The following PPIP5K1 variants were observed in gnomAD, a reference collection of about 807,000 sequenced individuals.
PPIP5K1 encodes the protein inositol hexakisphosphate and diphosphoinositol-pentakisphosphate kinase 1.
In PPIP5K1, 6 loss-of-function variants were observed where a neutral mutation model predicts 27.7. That is an observed-to-expected ratio of 0.22 (90% CI 0.12 to 0.43). The LOEUF is 0.43. Among genes scored for constraint, PPIP5K1 ranks in the 20% least tolerant of loss-of-function variants. PPIP5K1 has a pLI of 1.00. For synonymous variants in PPIP5K1, 145 were observed against 242.6 expected (o/e 0.60, Z 3.74); for missense variants, 394 against 635.4 (o/e 0.62, Z 4.08).
chr15:43,565,497 T>G (rs1314177802), intron 26 of PPIP5K1, among the ~76,000 whole-genome samples: 29 of 133,960 alleles, frequency 2.2e-4, no homozygotes, highest in Non-Finnish European at 3.3e-4. Flanking sequence ...TCATCCAACA[T>G]CCCCTCCCTT....
chr15:43,537,913 G>A (rs1214772892), intron 31 of PPIP5K1, among the ~76,000 whole-genome samples: 2 of 151,526 alleles, frequency 1.3e-5, no homozygotes. Context: ...CCCAAGTAAA[G>A]AAGTAGCCTT....
intron 30 of PPIP5K1, among the ~76,000 whole-genome samples, chr15:43,542,666 G>GTA (rs1353968046): frequency 7.3e-6 from 1 of 137,886 alleles, no homozygotes; most frequent in Non-Finnish European, 1.5e-5. Flanking sequence ...GTGTGTGTGT[G>GTA]TGTGTGTGTG....
At position 43,581,216 on chromosome 15, in the gene PPIP5K1, C is replaced by G; in HGVS notation, c.939+11G>C. On this transcript the variant is annotated intron_variant, in intron 9 of 31. Coordinates refer to ENST00000420765, the MANE Select transcript of PPIP5K1 (RefSeq NM_001394395.1). Reference sequence around the variant, plus strand: ...TCCTTCATTTCACAACCTCCCTGGGCCCTCCTCTACCTTGAAAGCTACGCA... The same window carrying G: ...TCCTTCATTTCACAACCTCCCTGGGGCCTCCTCTACCTTGAAAGCTACGCA... The G allele has an allele frequency of 1.3e-6, 2 of 1,583,736 alleles. No individual in the cohort carries two copies. Among genetic ancestry groups the G allele is most frequent in the Non-Finnish European group, 1.7e-6 (2 of 1,171,070 alleles).
At chr15:43,556,145 C>T (rs1055763538) in intron 30 of PPIP5K1, among the ~76,000 whole-genome samples, 1 of 151,860 alleles carries the variant, frequency 6.6e-6, no homozygotes, top group Admixed American at 6.6e-5. Context: ...TGGTGAAACC[C>T]TGTCTCTACT....
At chr15:43,537,344 CAAAAAAAAAAAAAAAA>C in intron 31 of PPIP5K1, 1 of 82,864 alleles carries the variant, frequency 1.2e-5, no homozygotes, top group Non-Finnish European at 2.1e-5. Flanking sequence ...GACTCCACCT[CAAAAAAAAAAAAAAAA>C]AAAAAAAAAA....
At chr15:43,551,538 A>G (rs2140890109) in intron 30 of PPIP5K1, among the ~76,000 whole-genome samples, 1 of 148,130 alleles carries the variant, frequency 6.8e-6, no homozygotes, top group South Asian at 2.1e-4. Flanking sequence ...AAAACCCACA[A>G]TAATAATAAT....
At chr15:43,540,294 G>A (rs1301122513) in intron 30 of PPIP5K1, among the ~76,000 whole-genome samples, 1 of 151,850 alleles carries the variant, frequency 6.6e-6, no homozygotes, top group Non-Finnish European at 1.5e-5. Context: ...GCTGGGTGTG[G>A]TGGCTCATGC....
rs1293557795 is a variant in PPIP5K1, at chr15:43,551,606, G to GTTTTTTTTTTTTTTTTTT, written c.3556+7188_3556+7189insAAAAAAAAAAAAAAAAAA. On this transcript the variant is annotated intron_variant, in intron 30 of 31. Transcript: ENST00000420765. ...TTTAGACTTTCTACTTCTTGATTCA[G>GTTTTTTTTTTTTTTTTTT]TTTTTTTTTTTTTTGAGACGGAGTC... Among the ~76,000 whole-genome samples the GTTTTTTTTTTTTTTTTTT allele has an allele frequency of 3.3e-4, 35 of 105,446 alleles. 4 individuals carry two copies. The highest frequency in any genetic ancestry group is 7.8e-4 in the African/African-American group (15 of 19,306). 69.2% of individuals were successfully genotyped at this position (105,446 alleles called of 152,430 possible). A position where few individuals can be genotyped will look rare whatever the true frequency, so the allele number is the denominator to read the frequency against.
intron 30 of PPIP5K1, among the ~76,000 whole-genome samples, chr15:43,542,437 G>A (rs889367623): frequency 6.6e-5 from 10 of 151,668 alleles, no homozygotes; most frequent in Admixed American, 4.6e-4. Flanking sequence ...GACTACAGGC[G>A]CATAGCACAA....
At chr15:43,537,393 C>A in intron 31 of PPIP5K1, 1 of 279,786 alleles carries the variant, frequency 3.6e-6, no homozygotes, top group Non-Finnish European at 6.8e-6. Context: ...AGGCATGCTT[C>A]AAGCAGAAAA....
chr15:43,545,701 C>T lies in PPIP5K1; in HGVS notation c.3557-6118G>A, dbSNP rs186993670. 1.4e-3 allele frequency among the ~76,000 whole-genome samples: 212 copies of T among 152,076 alleles called. 1 individual carries two copies. Among genetic ancestry groups the T allele is most frequent in the African/African-American group, 4.8e-3 (198 of 41,508 alleles). ...TGACTTTGAGTCAGAATTAGGCTTT[C>T]CTTACTTTCAGATGATAAAGGAATT... On this transcript the variant is annotated intron_variant, in intron 30 of 31. Coordinates refer to ENST00000420765, the MANE Select transcript of PPIP5K1 (RefSeq NM_001394395.1).
At chr15:43,558,495 G>A (rs951914849) in intron 30 of PPIP5K1, among the ~76,000 whole-genome samples, 3 of 152,138 alleles carry the variant, frequency 2.0e-5, no homozygotes, top group Non-Finnish European at 4.4e-5. Context: ...CAAAGTGCTG[G>A]GATTACAGGC....
At chr15:43,555,588 A>AT (rs1214606366) in intron 30 of PPIP5K1, among the ~76,000 whole-genome samples, 1 of 149,886 alleles carries the variant, frequency 6.7e-6, no homozygotes, top group Non-Finnish European at 1.5e-5. Flanking sequence ...GCCTGGCTGA[A>AT]TTTTTGTTTG....
At chr15:43,541,183 A>C (rs1005188417) in intron 30 of PPIP5K1, among the ~76,000 whole-genome samples, 5 of 152,110 alleles carry the variant, frequency 3.3e-5, no homozygotes, top group African/African-American at 1.2e-4. Flanking sequence ...GTGTGATCAC[A>C]GCTCACTGCC....
At chr15:43,539,125 C>T (rs943847006) in intron 31 of PPIP5K1, among the ~76,000 whole-genome samples, 3 of 151,702 alleles carry the variant, frequency 2.0e-5, no homozygotes, top group Admixed American at 6.6e-5. Context: ...GCAGGAGAAT[C>T]GCTTGAACCA....
Position 43,534,248 on chromosome 15 carries a change from C to G in PPIP5K1, c.*426G>C, listed in dbSNP as rs1394486127. The G allele has an allele frequency of 6.3e-6, 1 of 158,292 alleles. No homozygotes were observed. Among genetic ancestry groups the G allele is most frequent in the Non-Finnish European group, 1.4e-5 (1 of 72,118 alleles). The allele number at this position is 158,292 out of a possible 1,614,324, so 9.8% of individuals were successfully genotyped here. ...AGCAGTGAAGCGGCATTTCCTTTAA[C>G]AATCTGTGATTTCCTAGGATGCTCA... On this transcript the variant is annotated 3_prime_UTR_variant, in exon 32 of 32. Transcript: ENST00000420765.
At chr15:43,540,406 G>T (rs2080507915) in intron 30 of PPIP5K1, among the ~76,000 whole-genome samples, 1 of 151,770 alleles carries the variant, frequency 6.6e-6, no homozygotes, top group Non-Finnish European at 1.5e-5. Flanking sequence ...TACTAAAAAT[G>T]TAAAAATTAA....
At chr15:43,540,483 G>C (rs954468124) in intron 30 of PPIP5K1, among the ~76,000 whole-genome samples, 5 of 151,872 alleles carry the variant, frequency 3.3e-5, no homozygotes, top group African/African-American at 1.2e-4. Context: ...CAGATCACGA[G>C]GTCAGGAGTT....
chr15:43,535,334 G>A lies in PPIP5K1; in HGVS notation c.3813C>T (p.Leu1271=), dbSNP rs1022982510. The part of the protein sequence containing the change: ...VAEEHQGLGL[L]QETPGSGAQE... ...GTGCTCCACTCCCAGGGGTCTCCTG[G>A]AGCAGCCCAAGGCCTTGATGTTCTT... The change falls in exon 32 of 32, where the codon CTC becomes CTT. Residue 1271 remains leucine, a synonymous_variant. Coordinates refer to ENST00000420765, the MANE Select transcript of PPIP5K1 (RefSeq NM_001394395.1). The A allele has an allele frequency of 3.1e-6, 5 of 1,614,052 alleles. No homozygotes were observed. The Admixed American group carries it at 5.0e-5, about 16-fold the overall frequency.
Sources: gnomAD v4.1 joint callset for allele counts (sites outside exome capture counted in the v4.1 genomes callset) on GRCh38, gnomAD v4.1.1 for gene constraint, MANE v1.5 for transcripts, NCBI Gene and HGNC (gene_info 2026-07-23, HGNC 2026-07-21) for gene names.